The following ZBBX variants were observed in gnomAD, a reference collection of about 807,000 sequenced individuals.
ZBBX encodes the protein zinc finger B-box domain containing.
ZBBX carries 101 observed loss-of-function variants against 108.5 expected under a neutral mutation model. The observed-to-expected ratio is 0.93, with a 90% CI of 0.79 to 1.10. The LOEUF is 1.10. ZBBX is among the 50% of genes least tolerant of loss of function. ZBBX has a pLI of 0.00. For synonymous variants in ZBBX, 356 were observed against 323.4 expected (o/e 1.10, Z -1.08); for missense variants, 1,009 against 941.4 (o/e 1.07, Z -0.94).
chr3:167,247,824 G>A (rs1721853279), intron 20 of ZBBX, among the ~76,000 whole-genome samples: 1 of 152,136 alleles, frequency 6.6e-6, no homozygotes, highest in Non-Finnish European at 1.5e-5. Flanking sequence ...GAATGAATGT[G>A]AAACTGTCAT....
chr3:167,275,515 G>A (rs1727382348), intron 20 of ZBBX, among the ~76,000 whole-genome samples: 1 of 152,210 alleles, frequency 6.6e-6, no homozygotes, highest in Admixed American at 6.5e-5. Flanking sequence ...AGAAAGGGGT[G>A]ACAGACAGCA....
At chr3:167,206,414 T>C in the ZBBX span, among the ~76,000 whole-genome samples, 1 of 152,050 alleles carries the variant, frequency 6.6e-6, no homozygotes, top group Non-Finnish European at 1.5e-5. Context: ...TTTTTCATAT[T>C]GTGGTTATTG....
chr3:167,365,790 A>C (rs1434080135), intron 6 of ZBBX, 96 bp downstream of exon 6: 1 of 632,516 alleles, frequency 1.6e-6, no homozygotes, highest in Non-Finnish European at 2.4e-6. Context: ...TAAAATAAGA[A>C]GAGTATATTC....
chr3:167,354,567 T>C (rs780816513), intron 8 of ZBBX, among the ~76,000 whole-genome samples: 1 of 151,908 alleles, frequency 6.6e-6, no homozygotes, highest in Admixed American at 6.6e-5. Context: ...TTCATTCTTC[T>C]AGAGAAATGA....
chr3:167,317,387 A>G, intron 13 of ZBBX, 101 bp downstream of exon 13: 3 of 845,884 alleles, frequency 3.5e-6, no homozygotes, highest in Non-Finnish European at 5.4e-6. Flanking sequence ...ACAACTGAGA[A>G]TAATATATTA....
At chr3:167,397,139 T>A (rs2108640595) in intron 1 of ZBBX, among the ~76,000 whole-genome samples, 1 of 56,738 alleles carries the variant, frequency 1.8e-5, no homozygotes, top group South Asian at 4.7e-4. Context: ...AGGTTCTTGG[T>A]GGTAAAAAAA....
intron 1 of ZBBX, among the ~76,000 whole-genome samples, chr3:167,402,874 A>G (rs927854745): frequency 2.0e-5 from 3 of 152,162 alleles, no homozygotes; most frequent in Non-Finnish European, 4.4e-5. Context: ...GAACTTATCC[A>G]AAGTAAAGCA....
Position 167,317,042 on chromosome 3 carries a change from C to A in ZBBX, c.1157G>T (p.Arg386Ile). The A allele has an allele frequency of 6.2e-7, 1 of 1,609,960 alleles. No homozygotes were observed. Among genetic ancestry groups the A allele is most frequent in the South Asian group, 1.1e-5 (1 of 90,752 alleles). The change falls in exon 14 of 22, where the codon AGA (arginine) becomes ATA (isoleucine). Residue 386 changes from arginine to isoleucine, a missense_variant. Transcript: ENST00000675490. ...GACTATCTTTAGAGATGGTTCAGGT[C>A]TCTCTATGTTTAATGTTTCTACTGG... ...LLPVETLNIE[R>I]PEPSLKIVEL...
intron 20 of ZBBX, among the ~76,000 whole-genome samples, chr3:167,256,154 T>A (rs1723470703): frequency 6.6e-6 from 1 of 152,144 alleles, no homozygotes; most frequent in South Asian, 2.1e-4. Context: ...TCTTTTATGA[T>A]TGAATAATAC....
At chr3:167,218,281 A>T in the ZBBX span, among the ~76,000 whole-genome samples, 1 of 152,164 alleles carries the variant, frequency 6.6e-6, no homozygotes, top group Non-Finnish European at 1.5e-5. Context: ...AATCATCTGA[A>T]AGTGAAAACT....
At chr3:167,333,723 G>T in intron 10 of ZBBX, 104 bp downstream of exon 10, 2 of 1,012,928 alleles carry the variant, frequency 2.0e-6, no homozygotes, top group Non-Finnish European at 2.8e-6. Context: ...ATAAAAATGT[G>T]ATGAAATTAT....
Position 167,315,751 on chromosome 3 carries a change from T to C in ZBBX, c.1273A>G (p.Ser425Gly), listed in dbSNP as rs1425908440. The C allele has an allele frequency of 6.2e-7, 1 of 1,604,994 alleles. No homozygotes were observed. Among genetic ancestry groups the C allele is most frequent in the Non-Finnish European group, 8.5e-7 (1 of 1,174,798 alleles). The change falls in exon 15 of 22, where the codon AGT becomes GGT. Residue 425 changes from serine to glycine, a missense_variant and splice_region_variant. Ser to Gly is a moderately conservative substitution (Grantham distance 56). Coordinates refer to ENST00000675490, the MANE Select transcript of ZBBX (RefSeq NM_001199201.2). Reference protein sequence around the residue: ...VKLADADSQRSCAFHDCQKNS... With the variant: ...VKLADADSQRGCAFHDCQKNS... ...CAAAGTTAATTAGAAAGGTTTTACC[T>C]TCGTTGACTGTCTGCATCAGCTAAT...
chr3:167,231,632 A>G, the ZBBX span, among the ~76,000 whole-genome samples: 1 of 151,836 alleles, frequency 6.6e-6, no homozygotes, highest in African/African-American at 2.4e-5. Flanking sequence ...TGAGAGGAAA[A>G]GCTAAAGATA....
chr3:167,295,614 C>T (rs1038246508), intron 18 of ZBBX, among the ~76,000 whole-genome samples: 4 of 149,746 alleles, frequency 2.7e-5, no homozygotes, highest in East Asian at 2.0e-4. Context: ...CACCATGGCA[C>T]GTGTATACCT....
At chr3:167,332,488 T>G (rs955274319) in intron 10 of ZBBX, among the ~76,000 whole-genome samples, 3 of 152,156 alleles carry the variant, frequency 2.0e-5, no homozygotes, top group Non-Finnish European at 4.4e-5. Flanking sequence ...AAGAAACATC[T>G]AGTGTAAAGA....
Position 167,288,998 on chromosome 3 carries a change from C to G in ZBBX, c.1880-15G>C. ...TTCTCTGTCTTCTGAAATTGAAAAA[C>G]AGTAAGATAACATAAAGTTTGAAAA... is the stretch of plus-strand genomic sequence containing the variant. On this transcript the variant is annotated splice_polypyrimidine_tract_variant and intron_variant, in intron 18 of 21. Transcript: ENST00000675490. 1 of 1,507,028 alleles carries G rather than the reference C, an allele frequency of 6.6e-7. No individual in the cohort carries two copies. The highest frequency in any genetic ancestry group is 1.4e-5 in the African/African-American group (1 of 72,404). 93.4% of individuals were successfully genotyped at this position (1,507,028 alleles called of 1,614,324 possible). A position where few individuals can be genotyped will look rare whatever the true frequency, so the allele number is the denominator to read the frequency against.
chr3:167,250,395 C>A (rs1722366722), intron 20 of ZBBX, among the ~76,000 whole-genome samples: 1 of 152,208 alleles, frequency 6.6e-6, no homozygotes, highest in Non-Finnish European at 1.5e-5. Context: ...CGTTTAATTT[C>A]TTTCACCAGG....
At chr3:167,352,564 T>G (rs760258373) in intron 8 of ZBBX, among the ~76,000 whole-genome samples, 5 of 151,952 alleles carry the variant, frequency 3.3e-5, no homozygotes, top group Admixed American at 2.6e-4. Context: ...AAAGAAAAAT[T>G]GATACCAATA....
upstream of ZBBX, among the ~76,000 whole-genome samples, chr3:167,382,993 AT>A (rs752949688): frequency 3.9e-5 from 6 of 152,096 alleles, no homozygotes; most frequent in South Asian, 2.1e-4. Context: ...CAGCTACCAA[AT>A]TTTCTTTGAA....
Sources: allele counts gnomAD v4.1 joint callset (sites outside exome capture counted in the v4.1 genomes callset), GRCh38; gene constraint gnomAD v4.1.1; transcripts MANE v1.5; gene names NCBI Gene and HGNC (gene_info 2026-07-23, HGNC 2026-07-21).